The following PTPRD variants were observed in gnomAD, a reference collection of about 807,000 sequenced individuals.
PTPRD encodes receptor-type tyrosine-protein phosphatase delta.
A neutral mutation model predicts 214.5 loss-of-function variants in PTPRD; 34 were observed. The observed-to-expected ratio is 0.16, with a 90% CI of 0.12 to 0.21. PTPRD has a LOEUF of 0.21. Ranked by LOEUF, PTPRD falls within the 10% of genes least tolerant of loss-of-function variation. PTPRD has a pLI of 1.00. For synonymous variants in PTPRD, 1,128 were observed against 845.7 expected (o/e 1.33, Z -5.79); for missense variants, 2,545 against 2,398.7 (o/e 1.06, Z -1.27).
chr9:8,469,173 G>A (rs10977131), intron 31 of PTPRD, among the ~76,000 whole-genome samples: 24,943 of 151,852 alleles, frequency 0.16, 2,195 homozygotes, highest in East Asian at 0.25. Flanking sequence ...AATCAGCAGC[G>A]GAGACCCACA....
chr9:8,545,952 A>G (rs2080002085), intron 14 of PTPRD, among the ~76,000 whole-genome samples: 1 of 152,210 alleles, frequency 6.6e-6, no homozygotes, highest in African/African-American at 2.4e-5. Context: ...GTCCACCTCA[A>G]TTTATCAGGT....
At chr9:8,563,828 T>G (rs1331730882) in intron 14 of PTPRD, among the ~76,000 whole-genome samples, 1 of 152,118 alleles carries the variant, frequency 6.6e-6, no homozygotes, top group East Asian at 1.9e-4. Context: ...CACTCAGTTC[T>G]AAGTTTTTGT....
chr9:10,394,384 A>G (rs1199629452), intron 2 of PTPRD, among the ~76,000 whole-genome samples: 7 of 151,592 alleles, frequency 4.6e-5, no homozygotes, highest in African/African-American at 1.7e-4. Flanking sequence ...TATCTTGAAT[A>G]ATTTGGCAAT....
intron 11 of PTPRD, among the ~76,000 whole-genome samples, chr9:8,983,614 T>C (rs1266465354): frequency 6.7e-6 from 1 of 149,062 alleles, no homozygotes; most frequent in Non-Finnish European, 1.5e-5. Context: ...GCTCAAGCAA[T>C]CCTCCTGCCT....
intron 11 of PTPRD, among the ~76,000 whole-genome samples, chr9:8,929,849 A>ATATG (rs2098936809): frequency 8.0e-6 from 1 of 124,572 alleles, no homozygotes; most frequent in East Asian, 2.2e-4. Context: ...ATATGTGTGT[A>ATATG]TATATATGTG....
In PTPRD at chr9:8,657,310, G is replaced by A. The variant is rs535996989; in HGVS notation, c.65-20466C>T. On this transcript the variant is annotated intron_variant, in intron 12 of 45. Coordinates refer to ENST00000381196, the MANE Select transcript of PTPRD (RefSeq NM_002839.4). ...AGCCTCCTGAGTAGCTGGAATTACAGGCACCCACCACCATACCCACCTAAT... is the reference window on the plus strand; with the variant it reads ...AGCCTCCTGAGTAGCTGGAATTACAAGCACCCACCACCATACCCACCTAAT... 7.9e-5 allele frequency among the ~76,000 whole-genome samples: 12 copies of A among 151,884 alleles called. No homozygotes were observed. In the East Asian group the frequency reaches 2.1e-3, roughly 27 times the overall value.
rs547872233 is a variant in PTPRD, at chr9:9,722,262, G to A, written c.-287+12271C>T. On this transcript the variant is annotated intron_variant, in intron 7 of 45. Transcript: ENST00000381196. Reference sequence around the variant, plus strand: ...GCCTCTTCTTCTTCCTCAGCTCTTGGCAACCAAATCTATGGATTTCCCTAT... The same window carrying A: ...GCCTCTTCTTCTTCCTCAGCTCTTGACAACCAAATCTATGGATTTCCCTAT... Among the ~76,000 whole-genome samples, 4 of 151,874 alleles carry A rather than the reference G, an allele frequency of 2.6e-5. No individual in the cohort carries two copies. In the South Asian group the frequency reaches 8.3e-4, roughly 32 times the overall value.
intron 4 of PTPRD, among the ~76,000 whole-genome samples, chr9:10,012,264 T>A (rs907901431): frequency 1.3e-5 from 2 of 151,572 alleles, no homozygotes; most frequent in East Asian, 3.9e-4. Context: ...GAGGTTTTAA[T>A]CACAAGATGA....
At chr9:9,628,119 T>G (rs1304451201) in intron 7 of PTPRD, among the ~76,000 whole-genome samples, 7 of 152,234 alleles carry the variant, frequency 4.6e-5, no homozygotes, top group Admixed American at 1.3e-4. Context: ...AAAATTTTAA[T>G]CATTAGTCAA....
At chr9:9,366,183 T>A (rs1028690477) in intron 9 of PTPRD, among the ~76,000 whole-genome samples, 1 of 151,482 alleles carries the variant, frequency 6.6e-6, no homozygotes, top group Non-Finnish European at 1.5e-5. Context: ...TATTAACAAA[T>A]AAAACTAAAA....
At chr9:10,157,509 C>G (rs532053150) in intron 3 of PTPRD, among the ~76,000 whole-genome samples, 1 of 152,268 alleles carries the variant, frequency 6.6e-6, no homozygotes, top group South Asian at 2.1e-4. Flanking sequence ...TGGTGTTAGT[C>G]TCACGGGCTT....
At chr9:9,252,873 G>A (rs1324103192) in intron 9 of PTPRD, among the ~76,000 whole-genome samples, 1 of 151,980 alleles carries the variant, frequency 6.6e-6, no homozygotes, top group African/African-American at 2.4e-5. Flanking sequence ...ACACGCAAGA[G>A]TAGAAGGAAT....
rs1342987982 is a variant in PTPRD at position 9,281,160 on chromosome 9, A to G, written c.-202-97797T>C. On this transcript the variant is annotated intron_variant, in intron 9 of 45. Transcript: ENST00000381196. Reference sequence around the variant, plus strand: ...AAATGCAGAACTGTATAATGAGTAGAAAATAACATAGGAGAAAATCTGAAT... The same window carrying G: ...AAATGCAGAACTGTATAATGAGTAGGAAATAACATAGGAGAAAATCTGAAT... Among the ~76,000 whole-genome samples, 3 of 151,358 alleles carry G rather than the reference A, an allele frequency of 2.0e-5. No individual in the cohort carries two copies. The East Asian group carries it at 5.9e-4, about 30-fold the overall frequency.
intron 3 of PTPRD, among the ~76,000 whole-genome samples, chr9:10,054,517 T>G (rs2097586327): frequency 6.6e-6 from 1 of 152,124 alleles, no homozygotes; most frequent in African/African-American, 2.4e-5. Context: ...TTAGAAAACT[T>G]GTAATTGTAA....
intron 8 of PTPRD, among the ~76,000 whole-genome samples, chr9:9,475,647 C>T (rs2094970186): frequency 6.6e-6 from 1 of 152,114 alleles, no homozygotes; most frequent in African/African-American, 2.4e-5. Context: ...GGGATCATGT[C>T]ACCTCATTTT....
At chr9:9,404,304 G>A (rs1364675556) in intron 8 of PTPRD, among the ~76,000 whole-genome samples, 1 of 152,074 alleles carries the variant, frequency 6.6e-6, no homozygotes, top group African/African-American at 2.4e-5. Context: ...AGCAAAAACT[G>A]GGAGATCAGT....
At chr9:8,934,184 A>C (rs529297237) in intron 11 of PTPRD, among the ~76,000 whole-genome samples, 1 of 151,478 alleles carries the variant, frequency 6.6e-6, no homozygotes, top group Non-Finnish European at 1.5e-5. Context: ...AGAAGATGAG[A>C]TAATATGGAA....
chr9:9,818,887 G>A (rs1324026885), intron 5 of PTPRD, among the ~76,000 whole-genome samples: 2 of 131,938 alleles, frequency 1.5e-5, no homozygotes, highest in Non-Finnish European at 1.5e-5. Context: ...CTGCACTCCA[G>A]CCTGGGCAAC....
At chr9:9,901,644 C>T (rs1317152794) in intron 5 of PTPRD, among the ~76,000 whole-genome samples, 1 of 151,974 alleles carries the variant, frequency 6.6e-6, no homozygotes, top group African/African-American at 2.4e-5. Flanking sequence ...TTCTCCGAAG[C>T]TAGTGGTGAG....
Sources: allele counts gnomAD v4.1 joint callset (sites outside exome capture counted in the v4.1 genomes callset), GRCh38; gene constraint gnomAD v4.1.1; transcripts MANE v1.5; gene names NCBI Gene and HGNC (gene_info 2026-07-23, HGNC 2026-07-21).